The following ATP1A4 variants were observed in gnomAD, a reference collection of about 807,000 sequenced individuals.
ATP1A4 encodes ATPase Na+/K+ transporting subunit alpha 4, also known as sodium/potassium-transporting ATPase subunit alpha-4.
ATP1A4 carries 90 observed loss-of-function variants against 114.3 expected under a neutral mutation model. The ratio of observed to expected loss-of-function variants is 0.79; its 90% CI spans 0.66 to 0.94. The LOEUF is 0.94. Ranked by LOEUF, ATP1A4 falls within the 40% of genes least tolerant of loss-of-function variation. The pLI, the probability that ATP1A4 is intolerant of heterozygous loss-of-function variation, is 0.00. For missense variants in ATP1A4, 1,222 were observed against 1,313.6 expected (o/e 0.93, Z 1.08); for synonymous variants, 511 against 494.1 (o/e 1.03, Z -0.45).
chr1:160,163,185 C>A lies in ATP1A4; in HGVS notation c.779-971C>A, dbSNP rs187194445. 7.5e-3 allele frequency among the ~76,000 whole-genome samples: 1,127 copies of A among 151,172 alleles called. 9 individuals are homozygous for A. Among genetic ancestry groups the A allele is most frequent in the African/African-American group, 0.026 (1,076 of 41,068 alleles). On this transcript the variant is annotated intron_variant, in intron 6 of 21. Transcript: ENST00000368081. ...AACAAGAAACAGCTTTTTTTTTTCT[C>A]TACACTCACGCTGAACACAGAACAC...
chr1:160,153,250 C>A, intron 2 of ATP1A4, 26 bp downstream of exon 2: 1 of 1,602,056 alleles, frequency 6.2e-7, no homozygotes. Flanking sequence ...CCTGAGGAGG[C>A]AGAGAGTCTC....
intron 20 of ATP1A4, among the ~76,000 whole-genome samples, chr1:160,186,030 G>T (rs984881466): frequency 7.0e-6 from 1 of 142,178 alleles, no homozygotes; most frequent in Non-Finnish European, 1.5e-5. Context: ...GGGAGGCAGA[G>T]GTTGCAGTGA....
intron 15 of ATP1A4, 68 bp downstream of exon 15, chr1:160,174,815 C>G: frequency 1.9e-6 from 3 of 1,593,288 alleles, no homozygotes; most frequent in Middle Eastern, 2.2e-4. Context: ...GTGTACATCC[C>G]CTCTTTCCGT....
intron 4 of ATP1A4, among the ~76,000 whole-genome samples, chr1:160,157,678 G>T (rs1652716715): frequency 6.6e-6 from 1 of 152,208 alleles, no homozygotes; most frequent in East Asian, 1.9e-4. Context: ...AGATCATGAT[G>T]TAGGTAACTT....
At chr1:160,154,990 A>G (rs1020484745) in intron 2 of ATP1A4, 55 bp from the exon 3 acceptor site, 5 of 1,548,922 alleles carry the variant, frequency 3.2e-6, no homozygotes, top group South Asian at 1.1e-5. Context: ...CCCTTTTGCT[A>G]TGGCTGTTCC....
rs769118393 is a variant in ATP1A4 at position 160,173,691 on chromosome 1, G to C, written c.1965G>C (p.Lys655Asn). Residue 655 changes from lysine (K) to asparagine (N), a missense_variant, in exon 13 of 22, where the codon AAG becomes AAC. By Grantham distance (94) the Lys-to-Asn change is moderately conservative. Transcript: ENST00000368081. ...ETAEEVAARL[K>N]IPISKVDASA... ...CAGAGGAAGTCGCTGCCCGGCTTAA[G>C]ATCCCTATCAGCAAGGTCGATGCCA... The C allele has an allele frequency of 6.2e-7, 1 of 1,614,052 alleles. No individual in the cohort carries two copies. Among genetic ancestry groups the C allele is most frequent in the Non-Finnish European group, 8.5e-7 (1 of 1,180,034 alleles).
In ATP1A4 at chr1:160,171,293, C is replaced by T. The variant is rs1287601825; in HGVS notation, c.1534C>T (p.Leu512=). Residue 512 remains leucine (L), a synonymous_variant, in exon 11 of 22, where the codon CTG becomes TTG. Transcript: ENST00000368081. ...GGAGGACAGCTCCCAGACCCACGTA[C>T]TGATGATGAAGGGTGCTCCGGAGAG... ...LREDSSQTHV[L]MMKGAPERIL... is the part of the protein sequence containing the mutation. 6.2e-7 allele frequency: 1 copy of T among 1,613,882 alleles called. No homozygotes were observed. The highest frequency in any genetic ancestry group is 1.3e-5 in the African/African-American group (1 of 74,882).
rs1653469338 is a variant in ATP1A4 at position 160,176,494 on chromosome 1, T to C, written c.2482T>C (p.Leu828=). The C allele has an allele frequency of 1.2e-6, 2 of 1,614,056 alleles. No homozygotes were observed. Among genetic ancestry groups the C allele is most frequent in the South Asian group, 1.1e-5 (1 of 91,090 alleles). The change falls in exon 17 of 22, where the codon TTG becomes CTG. Residue 828 remains leucine (L), a synonymous_variant. Coordinates refer to ENST00000368081, the MANE Select transcript of ATP1A4 (RefSeq NM_144699.4). The part of the protein sequence containing the change: ...LGTDMVPAIS[L]AYESAESDIM... ...CATCCTCCAGGTCCCTGCCATCTCC[T>C]TGGCTTATGAGTCAGCTGAAAGCGA... is the stretch of plus-strand genomic sequence containing the variant.
chr1:160,180,468 T>C (rs1653642738), intron 18 of ATP1A4, among the ~76,000 whole-genome samples: 1 of 152,174 alleles, frequency 6.6e-6, no homozygotes, highest in Non-Finnish European at 1.5e-5. Context: ...CTGCAGTCTC[T>C]CTCTCATAAC....
At chr1:160,158,971 T>G in intron 4 of ATP1A4, 31 bp from the exon 5 acceptor site, 1 of 1,599,716 alleles carries the variant, frequency 6.3e-7, no homozygotes, top group Non-Finnish European at 8.5e-7. Flanking sequence ...GCCAAAAGTT[T>G]TGGAAATGAT....
At chr1:160,171,516 T>C (rs1004285804) in intron 11 of ATP1A4, 69 bp from the exon 12 acceptor site, 1 of 1,599,736 alleles carries the variant, frequency 6.3e-7, no homozygotes, top group South Asian at 1.1e-5. Context: ...AAATCAAGGA[T>C]GTTGGGGTAA....
At chr1:160,164,872 G>A (rs11265339) in intron 7 of ATP1A4, among the ~76,000 whole-genome samples, 66,829 of 151,976 alleles carry the variant, frequency 0.44, 15,232 homozygotes, top group Admixed American at 0.52. Context: ...CTATTAATTG[G>A]GAAGCCCACC....
chr1:160,175,183 G>T (rs2101648337), intron 15 of ATP1A4, among the ~76,000 whole-genome samples: 1 of 152,238 alleles, frequency 6.6e-6, no homozygotes, highest in Middle Eastern at 3.4e-3. Flanking sequence ...CTTGACCCGT[G>T]AATTGACTGC....
chr1:160,157,842 G>A (rs566336056), intron 4 of ATP1A4, among the ~76,000 whole-genome samples: 39 of 152,250 alleles, frequency 2.6e-4, no homozygotes, highest in African/African-American at 8.9e-4. Context: ...TTCTCTGAAA[G>A]TTTAAAATTA....
intron 20 of ATP1A4, chr1:160,183,217 C>T (rs1267402937): frequency 6.6e-6 from 1 of 152,230 alleles, no homozygotes; most frequent in African/African-American, 2.4e-5. Flanking sequence ...CAATAATACA[C>T]TCCAGGGATA....
intron 6 of ATP1A4, among the ~76,000 whole-genome samples, chr1:160,161,227 C>CTAGACTTTTAACCTTTGCCT (rs1652854119): frequency 2.0e-5 from 3 of 152,206 alleles, no homozygotes; most frequent in Non-Finnish European, 4.4e-5. Flanking sequence ...AACCTTTACC[C>CTAGACTTTTAACCTTTGCCT]TAGACTTTTA....
chr1:160,155,896 C>A, intron 3 of ATP1A4, 149 bp from the exon 4 acceptor site: 1 of 586,512 alleles, frequency 1.7e-6, no homozygotes, highest in Non-Finnish European at 3.1e-6. Context: ...CTGGTCCCAC[C>A]TCAGATTCTT....
rs2101631787 is a variant in ATP1A4 at position 160,162,518 on chromosome 1, G to A, written c.779-1638G>A. On this transcript the variant is annotated intron_variant, in intron 6 of 21. Transcript: ENST00000368081. ...AAGCAGGGAGGGGGCGCAAGTTACAGCAGGATTTCTCAACCACTCACATTT... is the reference window on the plus strand; with the variant it reads ...AAGCAGGGAGGGGGCGCAAGTTACAACAGGATTTCTCAACCACTCACATTT... 2.6e-5 allele frequency among the ~76,000 whole-genome samples: 4 copies of A among 152,322 alleles called. No homozygotes were observed. In the Middle Eastern group the frequency reaches 0.014, roughly 518 times the overall value.
intron 7 of ATP1A4, among the ~76,000 whole-genome samples, chr1:160,165,764 G>T (rs909594136): frequency 2.0e-5 from 3 of 152,070 alleles, no homozygotes; most frequent in Non-Finnish European, 4.4e-5. Flanking sequence ...AGAACTATTG[G>T]TCCAACACCC....
Sources: allele counts gnomAD v4.1 joint callset (sites outside exome capture counted in the v4.1 genomes callset), GRCh38; gene constraint gnomAD v4.1.1; transcripts MANE v1.5; gene names NCBI Gene and HGNC (gene_info 2026-07-23, HGNC 2026-07-21).